Variants in ABCB1 observed in about 807,000 individuals in gnomAD.
ABCB1 encodes the protein ATP-dependent translocase ABCB1.
A neutral mutation model predicts 142.0 loss-of-function variants in ABCB1; 69 were observed. That is an observed-to-expected ratio of 0.49 (90% CI 0.40 to 0.59). The LOEUF is 0.59. Ranked by LOEUF, ABCB1 falls within the 20% of genes least tolerant of loss-of-function variation. The pLI is 0.00. For synonymous variants in ABCB1, 532 were observed against 539.2 expected, an observed-to-expected ratio of 0.99 and a Z score of 0.18; for missense variants, 1,326 against 1,554.7, an observed-to-expected ratio of 0.85 and a Z score of 2.47.
At chr7:87,523,052 A>G (rs1037677540) in intron 21 of ABCB1, among the ~76,000 whole-genome samples, 5 of 152,170 alleles carry the variant, frequency 3.3e-5, no homozygotes, top group Non-Finnish European at 7.3e-5. Flanking sequence ...TCCATATTGA[A>G]TTGGTTTATT....
intron 3 of ABCB1, 70 bp from the exon 4 acceptor site, chr7:87,585,750 C>A: frequency 6.6e-7 from 1 of 1,519,202 alleles, no homozygotes; most frequent in Non-Finnish European, 9.0e-7. Context: ...GCTTTTCCTT[C>A]AAAATATATC....
chr7:87,599,228 C>T (rs531498350), intron 2 of ABCB1, among the ~76,000 whole-genome samples: 56 of 152,190 alleles, frequency 3.7e-4, no homozygotes, highest in African/African-American at 1.3e-3. Flanking sequence ...TTACTACTAA[C>T]AATGAATCTA....
intron 1 of ABCB1, among the ~76,000 whole-genome samples, chr7:87,634,451 G>T (rs1335330717): frequency 7.7e-6 from 1 of 129,370 alleles, no homozygotes; most frequent in East Asian, 2.6e-4. Flanking sequence ...GTGAAACCCC[G>T]TCTCTACTAA....
Position 87,561,332 on chromosome 7 carries a change from A to G in ABCB1, c.758T>C (p.Val253Ala). 11 of 1,614,034 alleles carry G rather than the reference A, an allele frequency of 6.8e-6. No individual in the cohort carries two copies. The highest frequency in any genetic ancestry group is 8.5e-6 in the Non-Finnish European group (10 of 1,179,922). The change falls in exon 8 of 28, where the codon GTA (valine) becomes GCA (alanine). Residue 253 changes from valine to alanine, a missense_variant. Val to Ala is a moderately conservative substitution (Grantham distance 64, BLOSUM62 0). Coordinates refer to ENST00000622132, the MANE Select transcript of ABCB1 (RefSeq NM_001348946.2). ...ELLAYAKAGA[V>A]AEEVLAAIRT... ...AATTGCTGCCAAGACCTCTTCAGCTACTGCTCCAGCTTTTGCATACGCTAA... is the reference window on the plus strand; with the variant it reads ...AATTGCTGCCAAGACCTCTTCAGCTGCTGCTCCAGCTTTTGCATACGCTAA...
intron 1 of ABCB1, among the ~76,000 whole-genome samples, chr7:87,612,738 A>G (rs1819896261): frequency 6.6e-6 from 1 of 152,034 alleles, no homozygotes; most frequent in African/African-American, 2.4e-5. Flanking sequence ...TGCTTTGGCT[A>G]TTTGTGTTCC....
intron 1 of ABCB1, among the ~76,000 whole-genome samples, chr7:87,700,940 G>C (rs935957746): frequency 3.3e-5 from 5 of 152,220 alleles, no homozygotes; most frequent in African/African-American, 9.6e-5. Flanking sequence ...GCAGTCTTGA[G>C]TTCTTCCCCA....
In ABCB1 at chr7:87,590,021, A is replaced by T. The variant is rs532843424; in HGVS notation, c.118-4341T>A. 6.6e-5 allele frequency among the ~76,000 whole-genome samples: 10 copies of T among 152,356 alleles called. No individual in the cohort carries two copies. In the East Asian group the frequency reaches 1.9e-3, roughly 29 times the overall value. On this transcript the variant is annotated intron_variant, in intron 3 of 27. Coordinates refer to ENST00000622132, the MANE Select transcript of ABCB1 (RefSeq NM_001348946.2). The stretch of plus-strand genomic sequence containing the variant: ...GTACTGACAGGAGAGAGGTTTAGGT[A>T]ACATTCACCAGATTAGATGGCAAAC...
chr7:87,569,725 TC>T (rs1214820893), intron 5 of ABCB1, among the ~76,000 whole-genome samples: 1 of 152,070 alleles, frequency 6.6e-6, no homozygotes, highest in Non-Finnish European at 1.5e-5. Flanking sequence ...TCCTGCTCTT[TC>T]CCCCAGGCTG....
intron 1 of ABCB1, among the ~76,000 whole-genome samples, chr7:87,702,142 CAAAAAAAAAAA>C (rs146127516): frequency 1.3e-3 from 22 of 16,776 alleles, no homozygotes; most frequent in Middle Eastern, 0.038. Context: ...GACTCTGTCT[CAAAAAAAAAAA>C]AAAAAAAAAA....
intron 1 of ABCB1, among the ~76,000 whole-genome samples, chr7:87,643,195 C>T (rs529120695): frequency 3.3e-4 from 51 of 152,296 alleles, no homozygotes; most frequent in African/African-American, 1.1e-3. Context: ...GTGTGAGCCA[C>T]CACACCTGGC....
chr7:87,677,658 C>A (rs1322070769), intron 1 of ABCB1, among the ~76,000 whole-genome samples: 1 of 152,088 alleles, frequency 6.6e-6, no homozygotes, highest in Non-Finnish European at 1.5e-5. Flanking sequence ...TACATACACA[C>A]ACAAAAATCC....
chr7:87,503,676 A>G lies in ABCB1; in HGVS notation c.*567T>C, dbSNP rs1814586457. 1.3e-5 allele frequency: 2 copies of G among 159,502 alleles called. No homozygotes were observed. The highest frequency in any genetic ancestry group is 2.8e-5 in the Non-Finnish European group (2 of 72,132). The allele number at this position is 159,502 out of a possible 1,614,324, so 9.9% of individuals were successfully genotyped here. A position where few individuals can be genotyped will look rare whatever the true frequency, so the allele number is the denominator to read the frequency against. On this transcript the variant is annotated 3_prime_UTR_variant, in exon 28 of 28. Coordinates refer to ENST00000622132, the MANE Select transcript of ABCB1 (RefSeq NM_001348946.2). Reference sequence around the variant, plus strand: ...AGCAGGATCAAGTCCAAGAAGAATGAAGCCAGATGGTTCTGTAAGACCCAA... The same window carrying G: ...AGCAGGATCAAGTCCAAGAAGAATGGAGCCAGATGGTTCTGTAAGACCCAA...
In ABCB1 at chr7:87,531,501, CA is replaced by C. The variant is rs775305519; in HGVS notation, c.2482-5del. The C allele has an allele frequency of 3.1e-6, 5 of 1,611,840 alleles. No homozygotes were observed. In the South Asian group the frequency reaches 5.5e-5, roughly 18 times the overall value. ...CAGCAAGCCTGGAACCTATAGCCTG[CA>C]AAACAAAACAAATTAGAGAAATTTT... On this transcript the variant is annotated splice_region_variant and splice_polypyrimidine_tract_variant and intron_variant, in intron 20 of 27. Transcript: ENST00000622132.
intron 1 of ABCB1, among the ~76,000 whole-genome samples, chr7:87,708,683 G>A (rs533753268): frequency 3.2e-4 from 48 of 151,948 alleles, no homozygotes; most frequent in Non-Finnish European, 6.0e-4. Flanking sequence ...CTCATTCCCT[G>A]AAACAGGAAA....
chr7:87,591,019 G>A lies in ABCB1; in HGVS notation c.117+4747C>T, dbSNP rs182243442. ...AACCTGTGAATATATTTCTTTACAT[G>A]ATAAAAGGGACTTTGCAGATTTAAA... is the stretch of plus-strand genomic sequence containing the variant. On this transcript the variant is annotated intron_variant, in intron 3 of 27. Transcript: ENST00000622132. 3.3e-5 allele frequency among the ~76,000 whole-genome samples: 5 copies of A among 152,276 alleles called. 1 individual carries two copies. Among genetic ancestry groups the A allele is most frequent in the South Asian group, 4.2e-4 (2 of 4,816 alleles).
At chr7:87,552,123 A>G (rs183975358) in intron 9 of ABCB1, among the ~76,000 whole-genome samples, 1 of 152,296 alleles carries the variant, frequency 6.6e-6, no homozygotes, top group East Asian at 1.9e-4. Context: ...CTGATCCTTT[A>G]TCAGGTTGTC....
chr7:87,663,722 T>G (rs1003621990), intron 1 of ABCB1, among the ~76,000 whole-genome samples: 1 of 152,152 alleles, frequency 6.6e-6, no homozygotes, highest in African/African-American at 2.4e-5. Context: ...TATAACAAAA[T>G]ACTACATACT....
In ABCB1 at chr7:87,626,100, T is replaced by TATA. The variant is rs1563079546; in HGVS notation, c.-330-25023_-330-25022insTAT. On this transcript the variant is annotated intron_variant, in intron 1 of 28. Transcript: ENST00000265724. ...GACATATATATATATATATATATATTGTCATATATATGTGTCATATATATT... is the reference window on the plus strand; with the variant it reads ...GACATATATATATATATATATATATTATAGTCATATATATGTGTCATATATATT... 2.9e-4 allele frequency among the ~76,000 whole-genome samples: 26 copies of TATA among 90,890 alleles called. 1 individual carries two copies. In the South Asian group the frequency reaches 7.1e-3, roughly 25 times the overall value. The allele number at this position is 90,890 out of a possible 152,430, so 59.6% of individuals were successfully genotyped here. A position where few individuals can be genotyped will look rare whatever the true frequency, so the allele number is the denominator to read the frequency against.
At chr7:87,671,986 A>G (rs1825866893) in intron 1 of ABCB1, among the ~76,000 whole-genome samples, 1 of 152,110 alleles carries the variant, frequency 6.6e-6, no homozygotes, top group Non-Finnish European at 1.5e-5. Flanking sequence ...GACCCACTTA[A>G]GCAGTTTGGC....
Sources: gnomAD v4.1 joint callset for allele counts (sites outside exome capture counted in the v4.1 genomes callset) on GRCh38, gnomAD v4.1.1 for gene constraint, MANE v1.5 for transcripts, NCBI Gene and HGNC (gene_info 2026-07-23, HGNC 2026-07-21) for gene names.